OIT3: variants seen among roughly 807,000 people sequenced by gnomAD.
The protein encoded by OIT3 is oncoprotein induced transcript 3.
OIT3 carries 41 observed loss-of-function variants against 52.2 expected under a neutral mutation model. The observed-to-expected ratio is 0.79, with a 90% CI of 0.61 to 1.02. The LOEUF is 1.02. Ranked by LOEUF, OIT3 falls within the 50% of genes least tolerant of loss-of-function variation. The pLI, the probability that OIT3 is intolerant of heterozygous loss-of-function variation, is 0.00. For synonymous variants in OIT3, 244 were observed against 276.9 expected (o/e 0.88, Z 1.18); for missense variants, 634 against 715.5 (o/e 0.89, Z 1.30).
Position 72,924,593 on chromosome 10 carries a change from C to T in OIT3, c.1316C>T (p.Thr439Ile), listed in dbSNP as rs554643826. ...LESLVESCFA[T>I]PTSKIDEVLK... is the part of the protein sequence containing the mutation. ...AGCTTGGTGGAGAGCTGCTTTGCCA[C>T]CCCCACCTCCAAGATCGACGAGGTC... The change falls in exon 7 of 9, where the codon ACC becomes ATC. Residue 439 changes from threonine (T) to isoleucine (I), a missense_variant. Physicochemically the swap from Thr to Ile is moderately conservative, Grantham distance 89. Transcript: ENST00000334011. The T allele has an allele frequency of 6.2e-7, 1 of 1,613,888 alleles. No individual in the cohort carries two copies. The highest frequency in any genetic ancestry group is 8.5e-7 in the Non-Finnish European group (1 of 1,179,862).
chr10:72,897,797 A>G (rs1845889298), intron 1 of OIT3, among the ~76,000 whole-genome samples: 1 of 152,214 alleles, frequency 6.6e-6, no homozygotes, highest in Non-Finnish European at 1.5e-5. Context: ...CCCATAATTC[A>G]TTCTTGTTCT....
chr10:72,926,316 A>G (rs1451009688), intron 7 of OIT3, among the ~76,000 whole-genome samples: 1 of 152,200 alleles, frequency 6.6e-6, no homozygotes, highest in Non-Finnish European at 1.5e-5. Context: ...TCACCCCTTG[A>G]TATACATAGG....
At position 72,924,504 on chromosome 10, in the gene OIT3, C is replaced by T. The variant is rs1846151050; in HGVS notation, c.1227C>T (p.Thr409=). The T allele has an allele frequency of 6.8e-6, 11 of 1,614,208 alleles. No individual in the cohort carries two copies. The highest frequency in any genetic ancestry group is 9.3e-6 in the Non-Finnish European group (11 of 1,180,046). ...FEEPYREALP[T]LKLRDSLYFG... Reference sequence around the variant, plus strand: ...AGCCTTACCGGGAAGCTCTGCCCACCCTCAAGCTTCGTGACTCCCTCTACT... The same window carrying T: ...AGCCTTACCGGGAAGCTCTGCCCACTCTCAAGCTTCGTGACTCCCTCTACT... The change falls in exon 7 of 9, where the codon ACC becomes ACT. Residue 409 remains threonine (T), a synonymous_variant. Coordinates refer to ENST00000334011, the MANE Select transcript of OIT3 (RefSeq NM_152635.3).
At chr10:72,907,128 T>C (rs1461503076) in intron 4 of OIT3, among the ~76,000 whole-genome samples, 1 of 151,858 alleles carries the variant, frequency 6.6e-6, no homozygotes, top group Non-Finnish European at 1.5e-5. Context: ...TAAAAATTAG[T>C]TGGGTATGGT....
At chr10:72,913,622 A>T in intron 6 of OIT3, 154 bp downstream of exon 6, 1 of 725,178 alleles carries the variant, frequency 1.4e-6, no homozygotes. Context: ...CTTTTAACCA[A>T]CGTGTTATTG....
intron 7 of OIT3, among the ~76,000 whole-genome samples, chr10:72,926,243 C>A (rs754114715): frequency 6.6e-6 from 1 of 152,188 alleles, no homozygotes; most frequent in Non-Finnish European, 1.5e-5. Context: ...TGCTTTTACT[C>A]CTCTTGTTTT....
At chr10:72,912,376 T>G (rs1464304786) in intron 5 of OIT3, among the ~76,000 whole-genome samples, 1 of 151,138 alleles carries the variant, frequency 6.6e-6, no homozygotes, top group Non-Finnish European at 1.5e-5. Flanking sequence ...GTTCAAGTGA[T>G]TCTCCTGCCT....
intron 1 of OIT3, among the ~76,000 whole-genome samples, chr10:72,896,359 A>G (rs1014776159): frequency 6.6e-6 from 1 of 152,210 alleles, no homozygotes; most frequent in Non-Finnish European, 1.5e-5. Context: ...CACAGCTGGG[A>G]GAGCAAAGGA....
At chr10:72,925,047 G>T (rs561774986) in intron 7 of OIT3, among the ~76,000 whole-genome samples, 2 of 149,038 alleles carry the variant, frequency 1.3e-5, no homozygotes, top group African/African-American at 2.5e-5. Flanking sequence ...GGAGGTGGAG[G>T]TTGCAGTGAG....
rs1456957550 is a variant in OIT3 at position 72,911,735 on chromosome 10, A to G, written c.686A>G (p.Asn229Ser). 3.1e-6 allele frequency: 5 copies of G among 1,613,742 alleles called. No homozygotes were observed. The highest frequency in any genetic ancestry group is 1.3e-5 in the African/African-American group (1 of 75,002). Residue 229 changes from asparagine (N) to serine (S), a missense_variant, in exon 5 of 9, where the codon AAT becomes AGT. Physicochemically the swap from Asn to Ser is conservative, Grantham distance 46. Transcript: ENST00000334011. ...ACTGCAGACGTTGAAGGATGCCACA[A>G]TAACAATGGTGGCTGCAGCCACTCT... is the stretch of plus-strand genomic sequence containing the variant. ...KTCEDVEGCHNNNGGCSHSCL... is the reference protein window; with the variant it reads ...KTCEDVEGCHSNNGGCSHSCL...
chr10:72,899,012 G>C lies in OIT3; in HGVS notation c.410G>C (p.Ser137Thr), dbSNP rs951416577. 3.1e-6 allele frequency: 5 copies of C among 1,611,502 alleles called. No homozygotes were observed. The highest frequency in any genetic ancestry group is 1.3e-5 in the African/African-American group (1 of 74,896). ...TATGTGTATCGTCTGACCAAGCCCA[G>C]CGTCTGCTTCCACGTCTACTGTGGT... is the stretch of plus-strand genomic sequence containing the variant. The part of the protein sequence containing the change: ...GYYVYRLTKP[S>T]VCFHVYCGHF... The change falls in exon 2 of 9, where the codon AGC becomes ACC. Residue 137 changes from serine to threonine, a missense_variant. Transcript: ENST00000334011.
intron 6 of OIT3, chr10:72,917,952 GC>G (rs1444012070): frequency 1.2e-5 from 11 of 901,962 alleles, no homozygotes; most frequent in African/African-American, 3.3e-5. Context: ...CTTCACTGGT[GC>G]TTTTTCTTCA....
At chr10:72,931,308 T>C (rs955740729) in intron 8 of OIT3, among the ~76,000 whole-genome samples, 8 of 152,078 alleles carry the variant, frequency 5.3e-5, no homozygotes, top group Non-Finnish European at 8.8e-5. Flanking sequence ...CTGGGCAACA[T>C]AGCAAGACCT....
chr10:72,898,666 C>T lies in OIT3; in HGVS notation c.64C>T (p.Leu22=), dbSNP rs768525609. 3 of 1,602,252 alleles carry T rather than the reference C, an allele frequency of 1.9e-6. No homozygotes were observed. Among genetic ancestry groups the T allele is most frequent in the Non-Finnish European group, 2.6e-6 (3 of 1,170,520 alleles). ...ITGTSVSPVA[L]DPCSAYISLN... ...TGAGGTATCTTTTTCATTTCCAGCC[C>T]TAGATCCTTGTTCTGCTTACATCAG... Residue 22 remains leucine (L), a splice_region_variant and synonymous_variant, in exon 2 of 9, where the codon CTA becomes TTA. Coordinates refer to ENST00000334011, the MANE Select transcript of OIT3 (RefSeq NM_152635.3).
rs138704425 is a variant in OIT3, at chr10:72,898,194, G to A, written c.62-470G>A. Among the ~76,000 whole-genome samples the A allele has an allele frequency of 3.1e-3, 470 of 152,244 alleles. 3 individuals carry two copies. Among genetic ancestry groups the A allele is most frequent in the African/African-American group, 0.011 (442 of 41,544 alleles). ...CCCAGCTACTTCAGAGGCTGGGTGG[G>A]GAGGATCACTTGAGCCCAGGAGGCG... is the stretch of plus-strand genomic sequence containing the variant. On this transcript the variant is annotated intron_variant, in intron 1 of 8. Transcript: ENST00000334011.
chr10:72,900,351 T>A (rs1237313035), intron 2 of OIT3, 26 bp from the exon 3 acceptor site: 1 of 1,207,878 alleles, frequency 8.3e-7, no homozygotes, highest in Non-Finnish European at 1.2e-6. Flanking sequence ...CCTGCCCTCA[T>A]GAAGATAATC....
At chr10:72,930,056 G>T (rs1238147631) in intron 7 of OIT3, among the ~76,000 whole-genome samples, 3 of 152,206 alleles carry the variant, frequency 2.0e-5, no homozygotes, top group African/African-American at 4.8e-5. Flanking sequence ...TCACTTTGAT[G>T]CATGCACTGC....
chr10:72,906,592 G>T lies in OIT3; in HGVS notation c.545-4G>T. 3.1e-6 allele frequency: 5 copies of T among 1,613,942 alleles called. No homozygotes were observed. The highest frequency in any genetic ancestry group is 1.7e-5 in the Admixed American group (1 of 60,000). The stretch of plus-strand genomic sequence containing the variant: ...ATAGAAACAGTGTGGTTTCTCTTCT[G>T]CAGATGAAAATGAATGTGAGCAAAA... On this transcript the variant is annotated splice_region_variant and splice_polypyrimidine_tract_variant and intron_variant, in intron 3 of 8. Coordinates refer to ENST00000334011, the MANE Select transcript of OIT3 (RefSeq NM_152635.3).
Position 72,918,614 on chromosome 10 carries a change from A to T in OIT3, c.951+5146A>T, listed in dbSNP as rs558943589. On this transcript the variant is annotated intron_variant, in intron 6 of 8. Coordinates refer to ENST00000334011, the MANE Select transcript of OIT3 (RefSeq NM_152635.3). ...CTGCTCAAGAGAACAGCCGCACAGGACAGAATCACACCAGGGTACACTTAA... is the reference window on the plus strand; with the variant it reads ...CTGCTCAAGAGAACAGCCGCACAGGTCAGAATCACACCAGGGTACACTTAA... The T allele has an allele frequency of 4.2e-6, 3 of 721,726 alleles. No homozygotes were observed. The East Asian group carries it at 7.6e-5, about 18-fold the overall frequency. The allele number at this position is 721,726 out of a possible 1,614,324, so 44.7% of individuals were successfully genotyped here. A position where few individuals can be genotyped will look rare whatever the true frequency, so the allele number is the denominator to read the frequency against.
Sources: allele counts gnomAD v4.1 joint callset (sites outside exome capture counted in the v4.1 genomes callset), GRCh38; gene constraint gnomAD v4.1.1; transcripts MANE v1.5; gene names NCBI Gene and HGNC (gene_info 2026-07-23, HGNC 2026-07-21).